SPNS2: variants seen among roughly 807,000 people sequenced by gnomAD.
SPNS2 encodes the protein SPNS lysolipid transporter 2, sphingosine-1-phosphate.
In SPNS2, 37 loss-of-function variants were observed where a neutral mutation model predicts 57.6. The ratio of observed to expected loss-of-function variants is 0.64; its 90% CI spans 0.49 to 0.85. The LOEUF is 0.85. Among genes scored for constraint, SPNS2 ranks in the 40% least tolerant of loss-of-function variants. The pLI is 0.00. For missense variants in SPNS2, 831 were observed against 779.1 expected (o/e 1.07, Z -0.79); for synonymous variants, 440 against 346.9 (o/e 1.27, Z -2.98).
At chr17:4,505,365 T>C (rs965305745) in intron 1 of SPNS2, among the ~76,000 whole-genome samples, 2 of 152,304 alleles carry the variant, frequency 1.3e-5, no homozygotes, top group African/African-American at 4.8e-5. Flanking sequence ...GCCAGGCCCC[T>C]GTGCTGACAT....
chr17:4,530,900 A>G (rs1905437589), intron 4 of SPNS2, 117 bp downstream of exon 4: 1 of 1,467,286 alleles, frequency 6.8e-7, no homozygotes, highest in Non-Finnish European at 9.2e-7. Flanking sequence ...AGAGCTAAAC[A>G]TGTGGGCGGT....
intron 1 of SPNS2, among the ~76,000 whole-genome samples, chr17:4,500,876 G>A (rs1904482449): frequency 1.3e-5 from 2 of 151,928 alleles, no homozygotes. Flanking sequence ...GGTACCAGTG[G>A]CATCAGTTTC....
In SPNS2 at chr17:4,532,495, A is replaced by C. The variant is rs761453059; in HGVS notation, c.793-47A>C. 4.3e-6 allele frequency: 7 copies of C among 1,613,746 alleles called. No individual in the cohort carries two copies. In the East Asian group the frequency reaches 1.6e-4, roughly 36 times the overall value. ...CTGAGTCCCTCCTTCTGCAGCAGGG[A>C]CGAGGCTCACTGGGCCCTGGTGTCC... On this transcript the variant is annotated intron_variant, in intron 5 of 12. Coordinates refer to ENST00000329078, the MANE Select transcript of SPNS2 (RefSeq NM_001124758.3).
At chr17:4,530,906 G>T in intron 4 of SPNS2, 123 bp downstream of exon 4, 1 of 1,473,220 alleles carries the variant, frequency 6.8e-7, no homozygotes, top group Non-Finnish European at 9.2e-7. Context: ...AAACATGTGG[G>T]CGGTCAGCCT....
rs1191950882 is a variant in SPNS2, at chr17:4,499,474, G to A, written c.370+57G>A. ...AAGACCCCACCCCATCCCACCACCC[G>A]CCTCGAGGGAGGTACCCCAGAGAGC... is the stretch of plus-strand genomic sequence containing the variant. On this transcript the variant is annotated intron_variant, in intron 1 of 12. Coordinates refer to ENST00000329078, the MANE Select transcript of SPNS2 (RefSeq NM_001124758.3). The surrounding 1 kb of genome is among the most constrained non-coding windows in gnomAD (Gnocchi z 5.2). The A allele has an allele frequency of 8.8e-7, 1 of 1,138,956 alleles. No homozygotes were observed. The highest frequency in any genetic ancestry group is 1.1e-6 in the Non-Finnish European group (1 of 877,778). The allele number at this position is 1,138,956 out of a possible 1,614,324, so 70.6% of individuals were successfully genotyped here.
intron 2 of SPNS2, among the ~76,000 whole-genome samples, chr17:4,517,646 G>A (rs1905028782): frequency 6.6e-6 from 1 of 151,804 alleles, no homozygotes; most frequent in African/African-American, 2.4e-5. Flanking sequence ...ACAAGACCAA[G>A]ACTCCGTCTC....
intron 2 of SPNS2, among the ~76,000 whole-genome samples, chr17:4,520,559 A>G (rs1379605744): frequency 1.3e-5 from 2 of 152,036 alleles, no homozygotes; most frequent in Non-Finnish European, 2.9e-5. Flanking sequence ...CCTGGTCTTT[A>G]GCCCAGTCCT....
chr17:4,521,226 C>G (rs572628563), intron 2 of SPNS2, among the ~76,000 whole-genome samples: 1 of 152,148 alleles, frequency 6.6e-6, no homozygotes, highest in Non-Finnish European at 1.5e-5. Flanking sequence ...TCCTTCTGTC[C>G]ACTTGCCACC....
chr17:4,505,889 C>T (rs527791079), intron 1 of SPNS2, among the ~76,000 whole-genome samples: 11 of 152,294 alleles, frequency 7.2e-5, no homozygotes, highest in South Asian at 6.2e-4. Flanking sequence ...CCTAGAGCCA[C>T]GAGGTCTTCG....
chr17:4,520,856 A>G (rs1392383366), intron 2 of SPNS2, among the ~76,000 whole-genome samples: 2 of 152,166 alleles, frequency 1.3e-5, no homozygotes, highest in African/African-American at 4.8e-5. Flanking sequence ...ACAGAATCAA[A>G]AGAGATCATC....
In SPNS2 at chr17:4,511,995, A is replaced by G. The variant is rs1904839798; in HGVS notation, c.371-1252A>G. ...CCCACAGCCTGACTTCCTATGCTCC[A>G]GTTTCCTCATCTGTCAACTTGGATC... On this transcript the variant is annotated intron_variant, in intron 1 of 12. Coordinates refer to ENST00000329078, the MANE Select transcript of SPNS2 (RefSeq NM_001124758.3). The surrounding 1 kb of genome is among the most constrained non-coding windows in gnomAD (Gnocchi z 4.6). Among the ~76,000 whole-genome samples, 1 of 152,198 alleles carries G rather than the reference A, an allele frequency of 6.6e-6. No homozygotes were observed. Among genetic ancestry groups the G allele is most frequent in the Non-Finnish European group, 1.5e-5 (1 of 68,030 alleles).
intron 1 of SPNS2, among the ~76,000 whole-genome samples, chr17:4,502,954 C>T (rs532254339): frequency 2.0e-4 from 31 of 152,320 alleles, no homozygotes; most frequent in Admixed American, 1.0e-3. Context: ...GCCTCTCCTC[C>T]GCCCCATGAG....
intron 9 of SPNS2, 60 bp downstream of exon 9, chr17:4,533,913 G>T: frequency 1.3e-6 from 2 of 1,501,462 alleles, no homozygotes; most frequent in Non-Finnish European, 9.2e-7. Flanking sequence ...GACCTCACAG[G>T]GGTGCCTGGG....
rs1905431997 is a variant in SPNS2, at chr17:4,530,791, C to T, written c.725+8C>T. 6.2e-7 allele frequency: 1 copy of T among 1,609,426 alleles called. No individual in the cohort carries two copies. Among genetic ancestry groups the T allele is most frequent in the Non-Finnish European group, 8.5e-7 (1 of 1,177,566 alleles). On this transcript the variant is annotated splice_region_variant and intron_variant, in intron 4 of 12. Transcript: ENST00000329078. The stretch of plus-strand genomic sequence containing the variant: ...CGCCATCCCACTGGGCAGGTGAGAG[C>T]CGGAGATGCCAGGGTCTGGGTGAGG...
rs1447303645 is a variant in SPNS2, at chr17:4,538,692, T to C, written c.*1244T>C. The stretch of plus-strand genomic sequence containing the variant: ...ACCCCCCAAGAGCCAGCTTGGACAA[T>C]GCTCTTCTTGCCCCTTAGTTACTGG... On this transcript the variant is annotated 3_prime_UTR_variant, in exon 13 of 13. Coordinates refer to ENST00000329078, the MANE Select transcript of SPNS2 (RefSeq NM_001124758.3). 1.4e-5 allele frequency: 8 copies of C among 584,670 alleles called. No individual in the cohort carries two copies. The highest frequency in any genetic ancestry group is 7.8e-5 in the South Asian group (4 of 51,128). The allele number at this position is 584,670 out of a possible 1,614,324, so 36.2% of individuals were successfully genotyped here.
chr17:4,536,214 G>T (rs780150204), intron 10 of SPNS2, 40 bp downstream of exon 10: 1 of 1,608,752 alleles, frequency 6.2e-7, no homozygotes. Context: ...GGCAGGCTGG[G>T]GGACTGCAGG....
chr17:4,532,807 T>TG, intron 6 of SPNS2, 123 bp downstream of exon 6: 1 of 1,455,360 alleles, frequency 6.9e-7, no homozygotes, highest in Admixed American at 2.1e-5. Flanking sequence ...GTCTCAGTGC[T>TG]GGGAGGGACA....
chr17:4,536,987 A>G, intron 12 of SPNS2, 41 bp downstream of exon 12: 2 of 1,607,948 alleles, frequency 1.2e-6, no homozygotes, highest in Non-Finnish European at 1.7e-6. Context: ...TCCCTAAGGA[A>G]AGGGGAAGGC....
At chr17:4,531,667 C>T (rs539578763) in intron 5 of SPNS2, among the ~76,000 whole-genome samples, 31 of 148,950 alleles carry the variant, frequency 2.1e-4, no homozygotes, top group East Asian at 7.8e-4. Context: ...AAGCGGCCTC[C>T]GTGGAATTTC....
Sources: allele counts gnomAD v4.1 joint callset (sites outside exome capture counted in the v4.1 genomes callset), GRCh38; gene constraint gnomAD v4.1.1; non-coding constraint Gnocchi (gnomAD v3.1); transcripts MANE v1.5; gene names NCBI Gene and HGNC (gene_info 2026-07-23, HGNC 2026-07-21).